The following FERMT2 variants were observed in gnomAD, a reference collection of about 807,000 sequenced individuals.
FERMT2 encodes FERM domain containing kindlin 2, also known as fermitin family homolog 2.
A neutral mutation model predicts 82.7 loss-of-function variants in FERMT2; 15 were observed. That is an observed-to-expected ratio of 0.18 (90% CI 0.12 to 0.28). FERMT2 has a LOEUF of 0.28. FERMT2 is among the 10% of genes least tolerant of loss of function. The pLI, the probability that FERMT2 is intolerant of heterozygous loss-of-function variation, is 1.00. For synonymous variants in FERMT2, 274 were observed against 271.5 expected (o/e 1.01, Z -0.09); for missense variants, 645 against 809.4 (o/e 0.80, Z 2.46).
At chr14:52,939,013 C>T (rs1889972898) in intron 2 of FERMT2, among the ~76,000 whole-genome samples, 1 of 151,696 alleles carries the variant, frequency 6.6e-6, no homozygotes, top group African/African-American at 2.4e-5. Context: ...CAAAGTAGCA[C>T]AATAAACTTA....
intron 2 of FERMT2, among the ~76,000 whole-genome samples, chr14:52,937,425 T>C (rs1444247522): frequency 6.6e-6 from 1 of 152,198 alleles, no homozygotes; most frequent in African/African-American, 2.4e-5. Flanking sequence ...CCATGAACAC[T>C]GCAATCCCCA....
At chr14:52,925,220 A>AT (rs1416684064) in intron 2 of FERMT2, among the ~76,000 whole-genome samples, 1 of 152,182 alleles carries the variant, frequency 6.6e-6, no homozygotes, top group Non-Finnish European at 1.5e-5. Context: ...ACTGAGAAGC[A>AT]TTTGCCCAGG....
intron 3 of FERMT2, among the ~76,000 whole-genome samples, chr14:52,909,557 GCAGGTAGATCACTTGAGGT>G (rs890925650): frequency 6.6e-5 from 10 of 152,160 alleles, no homozygotes; most frequent in Admixed American, 5.9e-4. Context: ...GGAGGCTGAG[GCAGGTAGATCACTTGAGGT>G]CAGGAGTCCA....
chr14:52,892,381 A>T (rs1404611606), intron 4 of FERMT2, among the ~76,000 whole-genome samples: 43 of 151,568 alleles, frequency 2.8e-4, no homozygotes. Flanking sequence ...ACCTCAGGTG[A>T]TCTGCCTGCC....
chr14:52,901,490 C>G (rs965651756), intron 3 of FERMT2, among the ~76,000 whole-genome samples: 1 of 152,080 alleles, frequency 6.6e-6, no homozygotes. Context: ...GGGAGATTAT[C>G]CTGGGTTATC....
chr14:52,866,245 CT>C (rs1294105703), intron 10 of FERMT2, among the ~76,000 whole-genome samples: 1 of 152,190 alleles, frequency 6.6e-6, no homozygotes, highest in African/African-American at 2.4e-5. Context: ...CCTCAGCTAC[CT>C]ACTTCCACGG....
intron 3 of FERMT2, among the ~76,000 whole-genome samples, chr14:52,909,313 G>C (rs1231980256): frequency 6.6e-6 from 1 of 152,168 alleles, no homozygotes; most frequent in African/African-American, 2.4e-5. Flanking sequence ...TGGAGCTCTA[G>C]GAAGCATCTT....
intron 2 of FERMT2, among the ~76,000 whole-genome samples, chr14:52,920,026 G>C (rs976810700): frequency 2.6e-5 from 4 of 152,204 alleles, no homozygotes; most frequent in Middle Eastern, 3.2e-3. Context: ...TTTGGTACAA[G>C]TATAACAGGA....
At chr14:52,931,922 G>C (rs746328038) in intron 2 of FERMT2, among the ~76,000 whole-genome samples, 1 of 152,110 alleles carries the variant, frequency 6.6e-6, no homozygotes, top group Non-Finnish European at 1.5e-5. Context: ...CCAGCTACTC[G>C]GGGGGCTAAG....
intron 10 of FERMT2, among the ~76,000 whole-genome samples, chr14:52,868,777 G>A (rs373271872): frequency 6.6e-6 from 1 of 152,118 alleles, no homozygotes; most frequent in East Asian, 1.9e-4. Flanking sequence ...TTGACCCCAA[G>A]AGTTGGAGAT....
intron 12 of FERMT2, chr14:52,860,966 G>T: frequency 2.2e-6 from 3 of 1,387,930 alleles, no homozygotes; most frequent in South Asian, 1.4e-5. Flanking sequence ...TTGTGGCTAT[G>T]AATTTTTATT....
In FERMT2 at chr14:52,927,592, T is replaced by TAAAAAAAAAAAAAAA. The variant is rs71125150; in HGVS notation, c.158-8251_158-8237dup. Among the ~76,000 whole-genome samples the TAAAAAAAAAAAAAAA allele has an allele frequency of 8.0e-4, 27 of 33,724 alleles. 3 individuals carry two copies. The highest frequency in any genetic ancestry group is 2.6e-3 in the South Asian group (1 of 378). The allele number at this position is 33,724 out of a possible 152,430, so 22.1% of individuals were successfully genotyped here. A position where few individuals can be genotyped will look rare whatever the true frequency, so the allele number is the denominator to read the frequency against. ...GCAACATAGCAAAACCTCATCCCTA[T>TAAAAAAAAAAAAAAA]AAAAAAAAAAAAAAAAAAAAAAAAA... is the stretch of plus-strand genomic sequence containing the variant. On this transcript the variant is annotated intron_variant, in intron 2 of 14. Transcript: ENST00000341590.
intron 3 of FERMT2, among the ~76,000 whole-genome samples, chr14:52,915,795 T>C (rs11621529): frequency 5.1e-3 from 769 of 152,206 alleles, no homozygotes; most frequent in Non-Finnish European, 8.7e-3. Context: ...GTACATAAAA[T>C]CAATCACGAA....
chr14:52,950,173 A>G (rs1193690972), intron 2 of FERMT2, among the ~76,000 whole-genome samples: 6 of 152,214 alleles, frequency 3.9e-5, no homozygotes, highest in Admixed American at 3.3e-4. Context: ...CTACGCAATT[A>G]AGGTTATAAT....
chr14:52,931,779 A>G (rs757666451), intron 2 of FERMT2, among the ~76,000 whole-genome samples: 1 of 152,268 alleles, frequency 6.6e-6, no homozygotes, highest in Non-Finnish European at 1.5e-5. Flanking sequence ...CTGTAATCCC[A>G]GCAACTCCGG....
At chr14:52,933,709 T>A (rs1288049633) in intron 2 of FERMT2, among the ~76,000 whole-genome samples, 1 of 21,136 alleles carries the variant, frequency 4.7e-5, no homozygotes. Flanking sequence ...AAACTCCGTC[T>A]CAAAAAAAAA....
intron 6 of FERMT2, among the ~76,000 whole-genome samples, chr14:52,879,444 C>G (rs1050804341): frequency 6.6e-6 from 1 of 152,096 alleles, no homozygotes; most frequent in Non-Finnish European, 1.5e-5. Flanking sequence ...CTTTCAGCAT[C>G]ATGTCAGCCC....
intron 3 of FERMT2, among the ~76,000 whole-genome samples, chr14:52,894,039 G>GC (rs1246744626): frequency 6.6e-6 from 1 of 152,070 alleles, no homozygotes; most frequent in African/African-American, 2.4e-5. Context: ...TGTTGATCAG[G>GC]CTGGTCTTGA....
At chr14:52,891,438 C>G (rs1886927404) in intron 4 of FERMT2, among the ~76,000 whole-genome samples, 1 of 152,138 alleles carries the variant, frequency 6.6e-6, no homozygotes, top group African/African-American at 2.4e-5. Context: ...TTCTTTGTAT[C>G]TTTCAAAATG....
Sources: gnomAD v4.1 joint callset for allele counts (sites outside exome capture counted in the v4.1 genomes callset) on GRCh38, gnomAD v4.1.1 for gene constraint, MANE v1.5 for transcripts, NCBI Gene and HGNC (gene_info 2026-07-23, HGNC 2026-07-21) for gene names.